Variants in RAB38 observed in about 807,000 individuals in gnomAD.
RAB38 encodes RAB38, member RAS oncogene family.
In RAB38, 15 loss-of-function variants were observed where a neutral mutation model predicts 18.4. That is an observed-to-expected ratio of 0.82 (90% confidence interval 0.55 to 1.26). The LOEUF (loss-of-function observed/expected upper bound fraction) is 1.26, where lower values mean the gene tolerates loss of function less well. Among genes scored for constraint, RAB38 ranks in the 50% most tolerant of loss-of-function variants. The pLI is 0.00. For synonymous variants in RAB38, 101 were observed against 104.4 expected, an observed-to-expected ratio of 0.97 and a Z score of 0.20; for missense variants, 294 against 267.4, an observed-to-expected ratio of 1.10 and a Z score of -0.69.
At chr11:88,163,444 C>A (rs1943210633) in intron 1 of RAB38, among the ~76,000 whole-genome samples, 1 of 152,134 alleles carries the variant, frequency 6.6e-6, no homozygotes, top group Non-Finnish European at 1.5e-5. Flanking sequence ...TGAAAAATAT[C>A]TGTTCATAAT....
At chr11:87,953,949 T>G in the RAB38 span, among the ~76,000 whole-genome samples, 1 of 152,042 alleles carries the variant, frequency 6.6e-6, no homozygotes, top group African/African-American at 2.4e-5. Context: ...CCTGTTTTGA[T>G]GTAAATCTAC....
chr11:87,846,862 A>G, the RAB38 span, among the ~76,000 whole-genome samples: 1 of 152,100 alleles, frequency 6.6e-6, no homozygotes, highest in South Asian at 2.1e-4. Flanking sequence ...GAATTACATT[A>G]GAACCAAATA....
chr11:87,973,669 C>A, the RAB38 span, among the ~76,000 whole-genome samples: 1 of 151,794 alleles, frequency 6.6e-6, no homozygotes, highest in East Asian at 1.9e-4. Context: ...CTTTACCCAA[C>A]GAGACCTCAT....
chr11:88,067,774 G>A, the RAB38 span, among the ~76,000 whole-genome samples: 9 of 151,980 alleles, frequency 5.9e-5, no homozygotes, highest in Non-Finnish European at 1.3e-4. Context: ...GGGAGGGAAA[G>A]CATTAGGACA....
chr11:87,976,063 A>G, the RAB38 span, among the ~76,000 whole-genome samples: 4 of 150,882 alleles, frequency 2.7e-5, no homozygotes, highest in African/African-American at 9.7e-5. Context: ...AATAGAATTA[A>G]CAAAAAATTT....
chr11:87,843,241 T>A, the RAB38 span, among the ~76,000 whole-genome samples: 4 of 152,326 alleles, frequency 2.6e-5, no homozygotes, highest in South Asian at 2.1e-4. Flanking sequence ...AGAAGCCTAG[T>A]CTACATATGT....
intron 1 of RAB38, chr11:88,166,458 C>G (rs1943244803): frequency 6.6e-6 from 1 of 152,126 alleles, no homozygotes; most frequent in African/African-American, 2.4e-5. Context: ...GGTTCTAATT[C>G]TACCACTAAC....
chr11:87,938,147 G>C, the RAB38 span, among the ~76,000 whole-genome samples: 2 of 151,998 alleles, frequency 1.3e-5, no homozygotes, highest in African/African-American at 4.8e-5. Flanking sequence ...TCCCCATTTG[G>C]CCTCTTTAAC....
chr11:87,851,911 A>G, the RAB38 span, among the ~76,000 whole-genome samples: 15 of 152,212 alleles, frequency 9.9e-5, no homozygotes, highest in African/African-American at 3.6e-4. Context: ...GGAGAAAAAC[A>G]TACAAATTTA....
the RAB38 span, among the ~76,000 whole-genome samples, chr11:87,804,295 T>C: frequency 6.6e-6 from 1 of 152,192 alleles, no homozygotes; most frequent in African/African-American, 2.4e-5. Flanking sequence ...GGTGTATGCA[T>C]TGTCCTAGCA....
Position 88,174,314 on chromosome 11 carries a change from A to G in RAB38, c.202+869T>C, listed in dbSNP as rs1943349078. On this transcript the variant is annotated intron_variant, in intron 1 of 2. Transcript: ENST00000243662. ...CTTGGAGTAGATACATTGCACCCTC[A>G]CTTTTGACTAGGCCTAACTTCTGGT... Among the ~76,000 whole-genome samples, 3 of 152,316 alleles carry G rather than the reference A, an allele frequency of 2.0e-5. 1 individual carries two copies. The South Asian group carries it at 6.2e-4, about 32-fold the overall frequency.
At chr11:87,834,750 G>A in the RAB38 span, among the ~76,000 whole-genome samples, 1 of 152,166 alleles carries the variant, frequency 6.6e-6, no homozygotes, top group Non-Finnish European at 1.5e-5. Flanking sequence ...CATGCATTTA[G>A]GAGTCATTGA....
At chr11:87,977,735 T>C in the RAB38 span, among the ~76,000 whole-genome samples, 1 of 31,746 alleles carries the variant, frequency 3.1e-5, no homozygotes. Context: ...ATGACATATG[T>C]TATATATTCT....
the RAB38 span, among the ~76,000 whole-genome samples, chr11:88,047,738 C>G: frequency 6.6e-6 from 1 of 152,160 alleles, no homozygotes; most frequent in African/African-American, 2.4e-5. Flanking sequence ...TTGCTCAGGA[C>G]AATGCTTATG....
At chr11:87,895,909 C>A in the RAB38 span, among the ~76,000 whole-genome samples, 62 of 151,732 alleles carry the variant, frequency 4.1e-4, no homozygotes, top group Non-Finnish European at 3.8e-4. Flanking sequence ...GGAACATTTC[C>A]TGAAACTATT....
the RAB38 span, among the ~76,000 whole-genome samples, chr11:87,863,975 A>T: frequency 1.3e-5 from 2 of 151,670 alleles, no homozygotes; most frequent in Non-Finnish European, 3.0e-5. Context: ...TCTACTACCA[A>T]GGCTGAGCAG....
chr11:87,863,977 G>A, the RAB38 span, among the ~76,000 whole-genome samples: 77 of 151,748 alleles, frequency 5.1e-4, no homozygotes, highest in African/African-American at 1.8e-3. Flanking sequence ...TACTACCAAG[G>A]CTGAGCAGAT....
At chr11:88,143,916 T>G (rs1037161031) in intron 2 of RAB38, among the ~76,000 whole-genome samples, 1 of 152,184 alleles carries the variant, frequency 6.6e-6, no homozygotes, top group Non-Finnish European at 1.5e-5. Flanking sequence ...CTCTAGAGAA[T>G]TGATTAGCTA....
the RAB38 span, among the ~76,000 whole-genome samples, chr11:88,032,058 C>T: frequency 2.0e-5 from 3 of 150,914 alleles, no homozygotes; most frequent in African/African-American, 2.4e-5. Context: ...CAGAACAGAG[C>T]CCTCAGAAAT....
Sources: gnomAD v4.1 joint callset for allele counts (sites outside exome capture counted in the v4.1 genomes callset) on GRCh38, gnomAD v4.1.1 for gene constraint, MANE v1.5 for transcripts, NCBI Gene and HGNC (gene_info 2026-07-23, HGNC 2026-07-21) for gene names.